RTL9: variants seen among roughly 807,000 people sequenced by gnomAD.
RTL9 encodes retrotransposon Gag like 9.
RTL9 carries 19 observed loss-of-function variants against 44.7 expected under a neutral mutation model. The observed-to-expected ratio is 0.42, with a 90% confidence interval of 0.30 to 0.62. The LOEUF (loss-of-function observed/expected upper bound fraction) is 0.62, where lower values mean the gene tolerates loss of function less well. Among genes scored for constraint, RTL9 ranks in the 20% least tolerant of loss-of-function variants. RTL9 has a pLI of 0.16. For synonymous variants in RTL9, 407 were observed against 398.9 expected, an observed-to-expected ratio of 1.02 and a Z score of -0.24; for missense variants, 1,105 against 1,080.6, an observed-to-expected ratio of 1.02 and a Z score of -0.32.
chrX:110,370,679 T>C (rs2068332184), intron 1 of RTL9, among the ~76,000 whole-genome samples: 1 of 112,488 alleles, frequency 8.9e-6, no homozygotes, highest in Non-Finnish European at 1.9e-5. Context: ...CTTCCTCAAA[T>C]GCCATCGGGG....
At chrX:110,392,149 T>C (rs985513852) in intron 1 of RTL9, among the ~76,000 whole-genome samples, 2 of 111,875 alleles carry the variant, frequency 1.8e-5, no homozygotes, top group Admixed American at 1.9e-4. Flanking sequence ...TGTCTAAAAA[T>C]GTACAGCATC....
chrX:110,445,716 T>C (rs2068904581), upstream of RTL9, among the ~76,000 whole-genome samples: 1 of 112,257 alleles, frequency 8.9e-6, no homozygotes, highest in South Asian at 3.7e-4. Flanking sequence ...TCTTGTTTAT[T>C]CTTATTTCCC....
At position 110,451,725 on chromosome X, in the gene RTL9, G is replaced by A. The variant is rs150123487; in HGVS notation, c.1108G>A (p.Gly370Arg). The change falls in exon 1 of 2, where the codon GGG (glycine) becomes AGG (arginine). Residue 370 changes from glycine to arginine, a missense_variant. Gly to Arg is a moderately radical substitution (Grantham distance 125). Transcript: ENST00000540313. ...CCAAACGATGCCAGCCCCAGGCTCTGGGGCGATGTCCCCATGGTCAACACA... is the reference window on the plus strand; with the variant it reads ...CCAAACGATGCCAGCCCCAGGCTCTAGGGCGATGTCCCCATGGTCAACACA... 117 of 1,209,431 alleles carry A rather than the reference G, an allele frequency of 9.7e-5. No homozygotes were observed. Among genetic ancestry groups the A allele is most frequent in the Non-Finnish European group, 1.3e-4 (116 of 895,081 alleles).
intron 1 of RTL9, among the ~76,000 whole-genome samples, chrX:110,427,938 A>T (rs1409850211): frequency 9.0e-6 from 1 of 111,362 alleles, no homozygotes; most frequent in Admixed American, 9.5e-5. Flanking sequence ...TACAACACAT[A>T]GCTCAGAAGA....
intron 1 of RTL9, among the ~76,000 whole-genome samples, chrX:110,360,170 A>C (rs1339532359): frequency 9.0e-6 from 1 of 111,199 alleles, no homozygotes; most frequent in South Asian, 3.9e-4. Context: ...GAAGGTCTGC[A>C]CTAGGTATTG....
chrX:110,413,615 G>A (rs1483917294), intron 1 of RTL9, among the ~76,000 whole-genome samples: 3 of 101,133 alleles, frequency 3.0e-5, no homozygotes, highest in Non-Finnish European at 5.9e-5. Flanking sequence ...TTGGACATCC[G>A]TGATCCATGT....
chrX:110,394,895 G>C (rs2068518769), intron 1 of RTL9, among the ~76,000 whole-genome samples: 1 of 112,878 alleles, frequency 8.9e-6, no homozygotes, highest in Non-Finnish European at 1.9e-5. Context: ...GGAACAGTGG[G>C]GCTGTGTGTG....
chrX:110,417,791 A>G (rs1299706447), upstream of RTL9, among the ~76,000 whole-genome samples: 1 of 112,345 alleles, frequency 8.9e-6, no homozygotes, highest in Non-Finnish European at 1.9e-5. Flanking sequence ...TGCAGATATT[A>G]TTTTACTGGC....
chrX:110,455,484 C>A, exon 2 of RTL9: 1 of 573,820 alleles, frequency 1.7e-6, no homozygotes. Context: ...CTGATTTGAC[C>A]TTCTCTTTCA....
chrX:110,424,794 A>G (rs2068742752), intron 1 of RTL9, among the ~76,000 whole-genome samples: 2 of 112,174 alleles, frequency 1.8e-5, no homozygotes, highest in African/African-American at 6.5e-5. Flanking sequence ...AGGATCAAGA[A>G]GGCTCTGCCA....
At chrX:110,438,607 C>T (rs2068856398) in intron 1 of RTL9, among the ~76,000 whole-genome samples, 3 of 111,517 alleles carry the variant, frequency 2.7e-5, no homozygotes, top group Non-Finnish European at 5.6e-5. Flanking sequence ...ACAAATTCCT[C>T]CCGAGACTAG....
At chrX:110,381,854 T>C (rs1247405478) in intron 1 of RTL9, among the ~76,000 whole-genome samples, 22 of 110,770 alleles carry the variant, frequency 2.0e-4, no homozygotes. Flanking sequence ...GTGGGAGCTA[T>C]ACCTTGGGTA....
exon 1 of RTL9, chrX:110,450,955 T>C (rs750685734): frequency 8.3e-6 from 10 of 1,210,603 alleles, no homozygotes; most frequent in Admixed American, 2.2e-5. Context: ...TCTGGGGCAC[T>C]GTCCCCATTG....
At chrX:110,367,135 G>C (rs758771766) in intron 1 of RTL9, among the ~76,000 whole-genome samples, 1 of 111,480 alleles carries the variant, frequency 9.0e-6, no homozygotes, top group Non-Finnish European at 1.9e-5. Context: ...ATTTCTTTTT[G>C]CCTAATCAAG....
At chrX:110,397,382 T>C (rs1048753615) in intron 1 of RTL9, among the ~76,000 whole-genome samples, 12 of 110,451 alleles carry the variant, frequency 1.1e-4, no homozygotes, top group African/African-American at 3.6e-4. Context: ...TAGAAATCAC[T>C]GAGTATTTAT....
At chrX:110,426,328 G>C (rs764752663) in intron 1 of RTL9, among the ~76,000 whole-genome samples, 13 of 111,634 alleles carry the variant, frequency 1.2e-4, no homozygotes, top group African/African-American at 4.2e-4. Context: ...CGATACAAAA[G>C]TTATCTGTAC....
chrX:110,362,832 A>G (rs2068273089), intron 1 of RTL9, among the ~76,000 whole-genome samples: 1 of 112,053 alleles, frequency 8.9e-6, no homozygotes. Flanking sequence ...CATTTACCAA[A>G]CATTCACTAC....
At position 110,407,064 on chromosome X, in the gene RTL9, C is replaced by T. The variant is rs1477345404; in HGVS notation, c.-167-38089C>T. On this transcript the variant is annotated intron_variant, in intron 1 of 2. Transcript: ENST00000520821. ...GGAAAGCTCTGGTATTGCGCAAACG[C>T]TGCTTTAGGTGATTAACAATGCCGC... is the stretch of plus-strand genomic sequence containing the variant. Among the ~76,000 whole-genome samples the T allele has an allele frequency of 1.7e-4, 19 of 111,533 alleles. No individual in the cohort carries two copies. In the Admixed American group the frequency reaches 1.8e-3, roughly 11 times the overall value.
At chrX:110,363,377 T>G (rs1191218494) in intron 1 of RTL9, among the ~76,000 whole-genome samples, 1 of 111,907 alleles carries the variant, frequency 8.9e-6, no homozygotes, top group African/African-American at 3.2e-5. Context: ...GGGCTTAAGC[T>G]GACAAAAGAA....
Sources: gnomAD v4.1 joint callset for allele counts (sites outside exome capture counted in the v4.1 genomes callset) on GRCh38, gnomAD v4.1.1 for gene constraint, MANE v1.5 for transcripts, NCBI Gene and HGNC (gene_info 2026-07-23, HGNC 2026-07-21) for gene names.